Variants in TRMT44 observed in about 807,000 individuals in gnomAD.
TRMT44 encodes probable tRNA (uracil-O(2)-)-methyltransferase.
A neutral mutation model predicts 77.3 loss-of-function variants in TRMT44; 78 were observed. The ratio of observed to expected loss-of-function variants is 1.01; its 90% CI spans 0.84 to 1.22. TRMT44 has a LOEUF of 1.22. Ranked by LOEUF, TRMT44 falls within the 50% of genes most tolerant of loss-of-function variation. The pLI is 0.00. For synonymous variants in TRMT44, 391 were observed against 383.3 expected (o/e 1.02, Z -0.23); for missense variants, 1,090 against 964.4 (o/e 1.13, Z -1.73).
chr4:8,450,780 T>A (rs1041192174), intron 3 of TRMT44, among the ~76,000 whole-genome samples: 1 of 150,002 alleles, frequency 6.7e-6, no homozygotes, highest in Non-Finnish European at 1.5e-5. Flanking sequence ...AACCACAATT[T>A]GTCATTTCCA....
At chr4:8,445,716 C>T (rs186357282) in intron 1 of TRMT44, among the ~76,000 whole-genome samples, 24 of 152,354 alleles carry the variant, frequency 1.6e-4, no homozygotes, top group Admixed American at 1.1e-3. Flanking sequence ...CATCTGAATC[C>T]ACTTAGCCCC....
downstream of TRMT44, among the ~76,000 whole-genome samples, chr4:8,493,703 C>G (rs1007059318): frequency 6.6e-6 from 1 of 152,038 alleles, no homozygotes; most frequent in Non-Finnish European, 1.5e-5. Context: ...TCACCTTGCT[C>G]TCAGCGCAGC....
At chr4:8,479,817 ACT>A (rs144741791), downstream of TRMT44, among the ~76,000 whole-genome samples, 1,212 of 151,982 alleles carry the variant, frequency 8.0e-3, 9 homozygotes, top group South Asian at 0.019. Flanking sequence ...AACATTTTTG[ACT>A]CTTTTTTAAT....
rs1202946992 is a variant in TRMT44, at chr4:8,449,738, G to A, written c.804G>A (p.Thr268=). 1.1e-5 allele frequency: 17 copies of A among 1,535,930 alleles called. No homozygotes were observed. Among genetic ancestry groups the A allele is most frequent in the African/African-American group, 4.1e-5 (3 of 72,992 alleles). ...ATGGAATCGTGTATCCCAAACCCAC[G>A]TGGCTTGGAGAAGAGTTGCTGGCCA... ...HSDGIVYPKP[T]WLGEELLAKL... The change falls in exon 3 of 11, where the codon ACG becomes ACA. Residue 268 remains threonine (T), a synonymous_variant. Coordinates refer to ENST00000389737, the MANE Select transcript of TRMT44 (RefSeq NM_152544.3).
the TRMT44 span, among the ~76,000 whole-genome samples, chr4:8,500,185 ACT>A: frequency 2.6e-5 from 4 of 151,690 alleles, no homozygotes; most frequent in African/African-American, 7.3e-5. Flanking sequence ...ATGAAGTGAG[ACT>A]CTGTCTCTAA....
At chr4:8,454,928 T>A (rs1468682119) in intron 6 of TRMT44, 115 bp downstream of exon 6, 1 of 912,260 alleles carries the variant, frequency 1.1e-6, no homozygotes, top group East Asian at 2.4e-5. Context: ...ATAGTAAACC[T>A]TCACATTAAT....
chr4:8,494,884 T>C (rs1019502100), downstream of TRMT44, among the ~76,000 whole-genome samples: 3 of 152,168 alleles, frequency 2.0e-5, no homozygotes, highest in Non-Finnish European at 4.4e-5. Context: ...CCAGCTTGAC[T>C]CTTCCCCGTG....
At chr4:8,483,416 T>TG (rs1727689585) in intron 2 of TRMT44, among the ~76,000 whole-genome samples, 1 of 145,682 alleles carries the variant, frequency 6.9e-6, no homozygotes, top group Non-Finnish European at 1.5e-5. Flanking sequence ...ACAAGTTTTT[T>TG]TGGGGGGGGG....
downstream of TRMT44, among the ~76,000 whole-genome samples, chr4:8,479,904 G>T (rs73223257): frequency 6.6e-6 from 1 of 151,930 alleles, no homozygotes; most frequent in African/African-American, 2.4e-5. Flanking sequence ...TTGAGACGGG[G>T]TCTTGTTGTG....
At chr4:8,510,400 C>T in the TRMT44 span, 2 of 152,846 alleles carry the variant, frequency 1.3e-5, no homozygotes, top group Non-Finnish European at 2.9e-5. Context: ...ACACTGAAGG[C>T]CCCTGTGATC....
chr4:8,498,539 AAGAG>A, the TRMT44 span, among the ~76,000 whole-genome samples: 165 of 152,238 alleles, frequency 1.1e-3, no homozygotes, highest in Non-Finnish European at 1.5e-3. The surrounding 1 kb of genome is among the most constrained non-coding windows in gnomAD (Gnocchi z 4.3). Flanking sequence ...GTGCAGGAGG[AAGAG>A]AGAGAGGGGC....
In TRMT44 at chr4:8,454,889, C is replaced by T; in HGVS notation, c.1203+76C>T. The T allele has an allele frequency of 3.0e-6, 4 of 1,331,158 alleles. No homozygotes were observed. The South Asian group carries it at 4.7e-5, about 16-fold the overall frequency. The allele number at this position is 1,331,158 out of a possible 1,614,324, so 82.5% of individuals were successfully genotyped here. A position where few individuals can be genotyped will look rare whatever the true frequency, so the allele number is the denominator to read the frequency against. On this transcript the variant is annotated intron_variant, in intron 6 of 10. Transcript: ENST00000389737. ...GTGGGAATTGCTGTAATGAATGTGT[C>T]TCTTTGTATAGGTCAAGCAGACATG...
chr4:8,451,645 C>G lies in TRMT44; in HGVS notation c.955-315C>G, dbSNP rs150830360. The stretch of plus-strand genomic sequence containing the variant: ...ACGCCTAGTTTCCTTGTTTGTTGCC[C>G]TTATCTGCATAGACAATGAGCACAG... On this transcript the variant is annotated intron_variant, in intron 3 of 10. Transcript: ENST00000389737. The surrounding 1 kb of genome is among the most constrained non-coding windows in gnomAD (Gnocchi z 4.1). Among the ~76,000 whole-genome samples the G allele has an allele frequency of 1.3e-5, 2 of 152,182 alleles. No individual in the cohort carries two copies. The highest frequency in any genetic ancestry group is 3.8e-4 in the East Asian group (2 of 5,198).
chr4:8,455,174 G>T (rs935766494), intron 6 of TRMT44, among the ~76,000 whole-genome samples: 5 of 152,224 alleles, frequency 3.3e-5, no homozygotes, highest in Non-Finnish European at 7.3e-5. Context: ...TGCTCGTTCA[G>T]TCAGCAAGCA....
Position 8,441,204 on chromosome 4 carries a change from G to C in TRMT44, c.382G>C (p.Gly128Arg), listed in dbSNP as rs1190478271. 1 of 1,535,012 alleles carries C rather than the reference G, an allele frequency of 6.5e-7. No individual in the cohort carries two copies. Among genetic ancestry groups the C allele is most frequent in the East Asian group, 2.4e-5 (1 of 40,892 alleles). ...SVPLRDSGHP[G>R]HAEGREGDFP... ...GCCCCTGAGGGACTCCGGGCACCCCGGCCATGCTGAAGGAAGGGAGGGCGA... is the reference window on the plus strand; with the variant it reads ...GCCCCTGAGGGACTCCGGGCACCCCCGCCATGCTGAAGGAAGGGAGGGCGA... Residue 128 changes from glycine (G) to arginine (R), a missense_variant, in exon 1 of 11, where the codon GGC becomes CGC. Coordinates refer to ENST00000389737, the MANE Select transcript of TRMT44 (RefSeq NM_152544.3).
intron 10 of TRMT44, among the ~76,000 whole-genome samples, chr4:8,472,578 A>G (rs962407922): frequency 2.0e-5 from 3 of 146,364 alleles, no homozygotes; most frequent in East Asian, 3.8e-4. Context: ...GGGTTTGTGC[A>G]CACACACACA....
At chr4:8,514,189 A>C in the TRMT44 span, among the ~76,000 whole-genome samples, 243 of 151,790 alleles carry the variant, frequency 1.6e-3, 4 homozygotes, top group East Asian at 0.028. Flanking sequence ...GGCACCTGGC[A>C]CATATCACTG....
Position 8,451,998 on chromosome 4 carries a change from T to C in TRMT44, c.993T>C (p.Tyr331=). ...TCACTGATCCTGAGAAGTTCGTGTA[T>C]GAAGATGTGGCTATCGCAGCATACC... ...PEVTDPEKFV[Y]EDVAIAAYLL... is the part of the protein sequence containing the mutation. Residue 331 remains tyrosine, a synonymous_variant, in exon 4 of 11, where the codon TAT becomes TAC. Coordinates refer to ENST00000389737, the MANE Select transcript of TRMT44 (RefSeq NM_152544.3). This position sits in a 1 kb window ranked among gnomAD's most constrained non-coding sequence, Gnocchi z 4.1. 6.5e-7 allele frequency: 1 copy of C among 1,536,740 alleles called. No individual in the cohort carries two copies. Among genetic ancestry groups the C allele is most frequent in the South Asian group, 1.2e-5 (1 of 84,034 alleles).
chr4:8,464,859 A>G (rs1457394611), intron 7 of TRMT44, among the ~76,000 whole-genome samples: 5 of 152,218 alleles, frequency 3.3e-5, no homozygotes, highest in Non-Finnish European at 5.9e-5. Context: ...TCATCTTTTA[A>G]TATGAAAAAC....
Sources: gnomAD v4.1 joint callset for allele counts (sites outside exome capture counted in the v4.1 genomes callset) on GRCh38, gnomAD v4.1.1 for gene constraint, Gnocchi (gnomAD v3.1) non-coding constraint, MANE v1.5 for transcripts, NCBI Gene and HGNC (gene_info 2026-07-23, HGNC 2026-07-21) for gene names.